PLEC: variants seen among roughly 807,000 people sequenced by gnomAD.
PLEC encodes the protein plectin.
A neutral mutation model predicts 392.8 loss-of-function variants in PLEC; 216 were observed. The ratio of observed to expected loss-of-function variants is 0.55; its 90% CI spans 0.49 to 0.62. The LOEUF is 0.62. Among genes scored for constraint, PLEC ranks in the 20% least tolerant of loss-of-function variants. PLEC has a pLI of 0.00. For missense variants in PLEC, 6,863 were observed against 6,563.4 expected, an observed-to-expected ratio of 1.05 and a Z score of -1.58; for synonymous variants, 3,621 against 2,980.6, an observed-to-expected ratio of 1.21 and a Z score of -7.00.
Position 143,929,091 on chromosome 8 carries a change from A to G in PLEC, c.3260+12T>C. 1 of 1,562,170 alleles carries G rather than the reference A, an allele frequency of 6.4e-7. No individual in the cohort carries two copies. On this transcript the variant is annotated intron_variant, in intron 25 of 31. Transcript: ENST00000345136. ...CGACCCCAGCCCCTCGCCTGTGGCCAGGTGCACTCACTTCTCCAGGTAGAT... is the reference window on the plus strand; with the variant it reads ...CGACCCCAGCCCCTCGCCTGTGGCCGGGTGCACTCACTTCTCCAGGTAGAT...
rs1178939932 is a variant in PLEC at position 143,922,213 on chromosome 8, C to CTCA, written c.7607_7608insTGA (p.Arg2536_Gln2537insGlu). 1.3e-6 allele frequency: 2 copies of CTCA among 1,560,888 alleles called. No homozygotes were observed. The highest frequency in any genetic ancestry group is 1.7e-6 in the Non-Finnish European group (2 of 1,156,590). On this transcript the variant is annotated inframe_insertion, in exon 32 of 32. Transcript: ENST00000345136. Reference sequence around the variant, plus strand: ...GTTCCTGCTCCATCTGCTGCTGCTGCCGCTGCTGCTCCTCACGCAGCTGCT... The same window carrying CTCA: ...GTTCCTGCTCCATCTGCTGCTGCTGCTCACGCTGCTGCTCCTCACGCAGCTGCT...
chr8:143,920,766 C>T lies in PLEC; in HGVS notation c.9055G>A (p.Ala3019Thr), dbSNP rs1554682897. The T allele has an allele frequency of 1.2e-6, 2 of 1,606,180 alleles. No homozygotes were observed. The highest frequency in any genetic ancestry group is 1.7e-6 in the Non-Finnish European group (2 of 1,179,916). Reference sequence around the variant, plus strand: ...GCGATGACGTTGGCACCCCGGAGAGCCCGCCGCACAGTGTCCACCTCGGCT... The same window carrying T: ...GCGATGACGTTGGCACCCCGGAGAGTCCGCCGCACAGTGTCCACCTCGGCT... The part of the protein sequence containing the change: ...DVAEVDTVRR[A>T]LRGANVIAGV... Residue 3019 changes from alanine to threonine, a missense_variant, in exon 32 of 32, where the codon GCT becomes ACT. Transcript: ENST00000345136.
At position 143,935,971 on chromosome 8, in the gene PLEC, G is replaced by T; in HGVS notation, c.479C>A (p.Ala160Asp). The T allele has an allele frequency of 1.9e-6, 3 of 1,612,784 alleles. No individual in the cohort carries two copies. Among genetic ancestry groups the T allele is most frequent in the Non-Finnish European group, 2.5e-6 (3 of 1,179,970 alleles). ...QVSGQSEDMT[A>D]KEKLLLWSQR... is the part of the protein sequence containing the mutation. ...CGACCACAGCAGCAGCTTCTCCTTG[G>T]CCGTCATGTCCTCCGACTGCCCACT... Residue 160 changes from alanine to aspartate, a missense_variant, in exon 6 of 32, where the codon GCC becomes GAC. Ala to Asp is a moderately radical substitution (Grantham distance 126). Transcript: ENST00000345136.
intron 1 of PLEC, chr8:143,944,695 C>T (rs113214127): frequency 2.2e-5 from 29 of 1,316,028 alleles, no homozygotes; most frequent in African/African-American, 1.5e-4. Flanking sequence ...ACGGGGCAGA[C>T]GGAGCGGGCC....
At position 143,921,340 on chromosome 8, in the gene PLEC, G is replaced by A. The variant is rs377660488; in HGVS notation, c.8481C>T (p.Asp2827=). 80 of 1,613,642 alleles carry A rather than the reference G, an allele frequency of 5.0e-5. No homozygotes were observed. Among genetic ancestry groups the A allele is most frequent in the Admixed American group, 4.0e-4 (24 of 59,996 alleles). Residue 2827 remains aspartate (D), a synonymous_variant, in exon 32 of 32, where the codon GAC becomes GAT. Coordinates refer to ENST00000345136, the MANE Select transcript of PLEC (RefSeq NM_201384.3). ...CGAAGTAGCCGCGCCGGTAGGCCAC[G>A]TCCACGGGCACGCGGTGGCTGTGCA... The part of the protein sequence containing the change: ...DPVHSHRVPV[D]VAYRRGYFDE...
intron 5 of PLEC, among the ~76,000 whole-genome samples, chr8:143,936,511 G>A (rs1829096864): frequency 6.6e-6 from 1 of 152,196 alleles, no homozygotes. Context: ...ACACTCAGTG[G>A]CATGCTCAGG....
rs199968254 is a variant in PLEC, at chr8:143,932,985, G to C, written c.1545C>G (p.Pro515=). 1 of 1,611,094 alleles carries C rather than the reference G, an allele frequency of 6.2e-7. No individual in the cohort carries two copies. Among genetic ancestry groups the C allele is most frequent in the Non-Finnish European group, 8.5e-7 (1 of 1,179,382 alleles). ...AGCGCAGAGTGGAGTCCTCCAGCTC[G>C]GGGCGCCTCTGCACACTCTGCAGAG... ...QVTLQSVQRR[P]ELEDSTLRYL... is the part of the protein sequence containing the mutation. Residue 515 remains proline, a synonymous_variant, in exon 14 of 32, where the codon CCC becomes CCG. Coordinates refer to ENST00000345136, the MANE Select transcript of PLEC (RefSeq NM_201384.3).
chr8:143,943,855 C>CTGG, upstream of PLEC: 1 of 1,612,288 alleles, frequency 6.2e-7, no homozygotes, highest in Non-Finnish European at 8.5e-7. Context: ...GACCCACAAC[C>CTGG]ACCAGGGAGG....
Position 143,927,600 on chromosome 8 carries a change from T to A in PLEC, c.3566A>T (p.Gln1189Leu). The change falls in exon 27 of 32, where the codon CAG (glutamine) becomes CTG (leucine). Residue 1189 changes from glutamine to leucine, a missense_variant. Coordinates refer to ENST00000345136, the MANE Select transcript of PLEC (RefSeq NM_201384.3). ...ERVAQLLERW[Q>L]AVLAQTDVRQ... Reference sequence around the variant, plus strand: ...CACGTCGGTCTGGGCCAGCACAGCCTGCCAGCGCTCAAGCAACTGGGCGAC... The same window carrying A: ...CACGTCGGTCTGGGCCAGCACAGCCAGCCAGCGCTCAAGCAACTGGGCGAC... The A allele has an allele frequency of 6.3e-7, 1 of 1,587,860 alleles. No homozygotes were observed. The highest frequency in any genetic ancestry group is 8.5e-7 in the Non-Finnish European group (1 of 1,173,744).
chr8:143,959,661 G>A (rs1343374645), intron 1 of PLEC, among the ~76,000 whole-genome samples: 4 of 152,230 alleles, frequency 2.6e-5, no homozygotes, highest in African/African-American at 4.8e-5. Context: ...CTGGAGGGAC[G>A]ACGACTGCAG....
chr8:143,943,822 C>T (rs782345126), upstream of PLEC: 20 of 1,612,428 alleles, frequency 1.2e-5, no homozygotes, highest in Non-Finnish European at 1.0e-5. Context: ...GCCAGTGCCA[C>T]ACAGCGGCCA....
At position 143,919,920 on chromosome 8, in the gene PLEC, C is replaced by T. The variant is rs1554679877; in HGVS notation, c.9901G>A (p.Glu3301Lys). The stretch of plus-strand genomic sequence containing the variant: ...CGGAGGCCGCTGAAGGACAGCCTCT[C>T]CTGCCGCAGGGTCTCCACCTCCTCC... ...IVEEVETLRQERLSFSGLRAP... is the reference protein window; with the variant it reads ...IVEEVETLRQKRLSFSGLRAP... The change falls in exon 32 of 32, where the codon GAG becomes AAG. Residue 3301 changes from glutamate to lysine, a missense_variant. By Grantham distance (56) the Glu-to-Lys change is moderately conservative. Coordinates refer to ENST00000345136, the MANE Select transcript of PLEC (RefSeq NM_201384.3). 4.3e-6 allele frequency: 7 copies of T among 1,613,328 alleles called. No individual in the cohort carries two copies. Among genetic ancestry groups the T allele is most frequent in the South Asian group, 2.2e-5 (2 of 91,086 alleles).
chr8:143,944,038 G>T, upstream of PLEC: 2 of 1,263,772 alleles, frequency 1.6e-6, no homozygotes, highest in Admixed American at 4.8e-5. Flanking sequence ...CCCATACGCG[G>T]CGGCAGCCCC....
rs782522164 is a variant in PLEC, at chr8:143,920,079, C to T, written c.9742G>A (p.Gly3248Ser). Residue 3248 changes from glycine (G) to serine (S), a missense_variant, in exon 32 of 32, where the codon GGC (glycine) becomes AGC (serine). Coordinates refer to ENST00000345136, the MANE Select transcript of PLEC (RefSeq NM_201384.3). The stretch of plus-strand genomic sequence containing the variant: ...AGCTCCCACACCGTCACCGTCCTGC[C>T]CTTGAAGCCACCCACGGGGACCTCA... ...PVEVPVGGFK[G>S]RTVTVWELIS... is the part of the protein sequence containing the mutation. 13 of 1,613,166 alleles carry T rather than the reference C, an allele frequency of 8.1e-6. No homozygotes were observed. The Admixed American group carries it at 2.0e-4, about 25-fold the overall frequency.
chr8:143,968,465 G>A (rs1833232721), intron 1 of PLEC, among the ~76,000 whole-genome samples: 1 of 145,552 alleles, frequency 6.9e-6, no homozygotes, highest in Non-Finnish European at 1.5e-5. Flanking sequence ...AGCTACTCGG[G>A]AGCCTGAGGT....
At position 143,921,671 on chromosome 8, in the gene PLEC, T is replaced by C. The variant is rs1554686612; in HGVS notation, c.8150A>G (p.Gln2717Arg). 1 of 1,613,176 alleles carries C rather than the reference T, an allele frequency of 6.2e-7. No homozygotes were observed. Among genetic ancestry groups the C allele is most frequent in the South Asian group, 1.1e-5 (1 of 91,086 alleles). Residue 2717 changes from glutamine (Q) to arginine (R), a missense_variant, in exon 32 of 32, where the codon CAG (glutamine) becomes CGG (arginine). Transcript: ENST00000345136. ...CGTGCCGGGACTCAGCAGCTGCCTCTGCAGGGCGGCGTAAACACTCAGCTT... is the reference window on the plus strand; with the variant it reads ...CGTGCCGGGACTCAGCAGCTGCCTCCGCAGGGCGGCGTAAACACTCAGCTT... ...NEKLSVYAAL[Q>R]RQLLSPGTAL...
intron 1 of PLEC, among the ~76,000 whole-genome samples, chr8:143,967,079 T>C (rs1161207955): frequency 6.6e-6 from 1 of 152,054 alleles, no homozygotes; most frequent in Non-Finnish European, 1.5e-5. Context: ...ACAGACAGAA[T>C]TAGGCCAGGC....
intron 30 of PLEC, among the ~76,000 whole-genome samples, chr8:143,926,380 G>A (rs1825189459): frequency 6.6e-6 from 1 of 152,220 alleles, no homozygotes; most frequent in African/African-American, 2.4e-5. Context: ...CACGCAGAAG[G>A]TAGGGAGAAG....
Position 143,934,043 on chromosome 8 carries a change from C to G in PLEC, c.1218G>C (p.Gly406=), listed in dbSNP as rs1554720040. 3.1e-6 allele frequency: 5 copies of G among 1,611,852 alleles called. No individual in the cohort carries two copies. The highest frequency in any genetic ancestry group is 4.2e-6 in the Non-Finnish European group (5 of 1,179,576). ...RIVTKLQMEA[G]LCEEQLNQAD... is the part of the protein sequence containing the mutation. ...CCTGGTTCAGCTGCTCCTCACACAG[C>G]CCCGCCTCCATCTGCAGCTTGGTCA... The change falls in exon 12 of 32, where the codon GGG becomes GGC. Residue 406 remains glycine, a synonymous_variant. Coordinates refer to ENST00000345136, the MANE Select transcript of PLEC (RefSeq NM_201384.3).
Sources: allele counts gnomAD v4.1 joint callset (sites outside exome capture counted in the v4.1 genomes callset), GRCh38; gene constraint gnomAD v4.1.1; transcripts MANE v1.5; gene names NCBI Gene and HGNC (gene_info 2026-07-23, HGNC 2026-07-21).